Variants in GRM7 observed in about 807,000 individuals in gnomAD.
GRM7 encodes glutamate metabotropic receptor 7.
In GRM7, 35 loss-of-function variants were observed where a neutral mutation model predicts 84.5. That is an observed-to-expected ratio of 0.41 (90% CI 0.32 to 0.55). The LOEUF (loss-of-function observed/expected upper bound fraction) is 0.55. Among genes scored for constraint, GRM7 ranks in the 20% least tolerant of loss-of-function variants. The pLI is 0.19. For synonymous variants in GRM7, 487 were observed against 455.1 expected, an observed-to-expected ratio of 1.07 and a Z score of -0.89; for missense variants, 1,003 against 1,194.6, an observed-to-expected ratio of 0.84 and a Z score of 2.36.
At chr3:7,206,868 A>G (rs1696257110) in intron 2 of GRM7, among the ~76,000 whole-genome samples, 1 of 152,150 alleles carries the variant, frequency 6.6e-6, no homozygotes. Flanking sequence ...TGGCTTTACA[A>G]TAGACTCAGA....
intron 1 of GRM7, among the ~76,000 whole-genome samples, chr3:6,995,835 T>C (rs1178096045): frequency 6.6e-6 from 1 of 152,172 alleles, no homozygotes; most frequent in Non-Finnish European, 1.5e-5. Context: ...GGAAGAAGTT[T>C]CCTGACTTCT....
intron 9 of GRM7, among the ~76,000 whole-genome samples, chr3:7,727,610 A>G (rs1213642582): frequency 6.6e-6 from 1 of 152,178 alleles, no homozygotes; most frequent in African/African-American, 2.4e-5. Context: ...AGCTTCATAC[A>G]CACGAGAAGC....
intron 7 of GRM7, among the ~76,000 whole-genome samples, chr3:7,551,650 C>T (rs1403163555): frequency 6.6e-6 from 1 of 151,456 alleles, no homozygotes; most frequent in African/African-American, 2.4e-5. Context: ...GACAATGCTT[C>T]TGCCTAGTCC....
intron 1 of GRM7, among the ~76,000 whole-genome samples, chr3:7,127,909 T>G (rs1439265879): frequency 5.3e-5 from 8 of 152,050 alleles, no homozygotes; most frequent in Admixed American, 2.0e-4. Context: ...TTGCTTTTGG[T>G]AATAGATTAA....
intron 9 of GRM7, among the ~76,000 whole-genome samples, chr3:7,708,383 C>G (rs6763908): frequency 0.34 from 51,360 of 151,544 alleles, 9,132 homozygotes; most frequent in East Asian, 0.68. Context: ...GGTAGACTGG[C>G]CGGTTGCACA....
In GRM7 at chr3:7,566,100, G is replaced by A. The variant is rs1230715218; in HGVS notation, c.1516-12322G>A. ...TTCTGTTTTCTTTGGCTCTGAATCA[G>A]CTGTTTTTTTTTTTTTTTTTTTTTT... On this transcript the variant is annotated intron_variant, in intron 7 of 9. Coordinates refer to ENST00000357716, the MANE Select transcript of GRM7 (RefSeq NM_000844.4). Among the ~76,000 whole-genome samples the A allele has an allele frequency of 5.9e-5, 4 of 68,064 alleles. No homozygotes were observed. The East Asian group carries it at 2.0e-3, about 34-fold the overall frequency. 44.7% of individuals were successfully genotyped at this position (68,064 alleles called of 152,430 possible).
At chr3:7,000,153 T>C (rs1362298111) in intron 1 of GRM7, among the ~76,000 whole-genome samples, 2 of 145,838 alleles carry the variant, frequency 1.4e-5, no homozygotes, top group African/African-American at 2.5e-5. Flanking sequence ...ACAACAGTAA[T>C]GTCAGAGGTT....
At chr3:7,541,373 G>A (rs1361343669) in intron 7 of GRM7, among the ~76,000 whole-genome samples, 2 of 152,020 alleles carry the variant, frequency 1.3e-5, no homozygotes, top group South Asian at 2.1e-4. Flanking sequence ...TTTATACCAC[G>A]CTTTGTTAGA....
intron 9 of GRM7, chr3:7,691,224 C>T: frequency 1.6e-6 from 2 of 1,271,876 alleles, no homozygotes; most frequent in Non-Finnish European, 2.1e-6. Flanking sequence ...CTCTGAGGAC[C>T]TCAGCTTGCA....
intron 1 of GRM7, among the ~76,000 whole-genome samples, chr3:6,938,787 C>T (rs1387620161): frequency 3.3e-5 from 5 of 152,184 alleles, no homozygotes; most frequent in African/African-American, 4.8e-5. Flanking sequence ...ATGAAGGAGA[C>T]TGGTTGTAAT....
chr3:7,653,669 G>A (rs1406269980), intron 8 of GRM7, among the ~76,000 whole-genome samples: 1 of 152,196 alleles, frequency 6.6e-6, no homozygotes, highest in African/African-American at 2.4e-5. Flanking sequence ...GCAGCAGGAT[G>A]TAAAATGAGA....
chr3:7,519,565 G>A (rs2124988697), intron 7 of GRM7, among the ~76,000 whole-genome samples: 1 of 152,250 alleles, frequency 6.6e-6, no homozygotes, highest in African/African-American at 2.4e-5. Context: ...AGAGGTCATA[G>A]ATAATTCCAA....
chr3:7,676,344 C>A (rs1274833436), intron 8 of GRM7, among the ~76,000 whole-genome samples: 1 of 152,170 alleles, frequency 6.6e-6, no homozygotes, highest in African/African-American at 2.4e-5. Flanking sequence ...TCTGAGATCT[C>A]TGTGGACTGA....
chr3:7,305,208 A>T (rs1444246863), intron 3 of GRM7, among the ~76,000 whole-genome samples: 1 of 151,810 alleles, frequency 6.6e-6, no homozygotes, highest in African/African-American at 2.4e-5. Flanking sequence ...TCCCATCCCC[A>T]TCTGCAGTTT....
At chr3:6,891,559 C>T (rs1253716723) in intron 1 of GRM7, among the ~76,000 whole-genome samples, 3 of 152,146 alleles carry the variant, frequency 2.0e-5, no homozygotes. Context: ...TGAATATTGG[C>T]CCCCACTCTC....
chr3:7,526,889 A>G (rs978212568), intron 7 of GRM7, among the ~76,000 whole-genome samples: 4 of 151,490 alleles, frequency 2.6e-5, no homozygotes, highest in Admixed American at 2.6e-4. Flanking sequence ...GCTTATGTGC[A>G]TTTTTTTCTT....
At chr3:7,392,568 T>C (rs1695044071) in intron 4 of GRM7, among the ~76,000 whole-genome samples, 1 of 152,136 alleles carries the variant, frequency 6.6e-6, no homozygotes, top group East Asian at 1.9e-4. Flanking sequence ...GTGAGAAACA[T>C]GGGCAAGGCA....
At chr3:7,043,673 C>G (rs529903353) in intron 1 of GRM7, among the ~76,000 whole-genome samples, 171 of 152,280 alleles carry the variant, frequency 1.1e-3, no homozygotes, top group African/African-American at 3.7e-3. Context: ...CTCTCCTGAC[C>G]TCTCTGAATC....
chr3:7,462,206 T>C (rs1385342050), intron 7 of GRM7, among the ~76,000 whole-genome samples: 4 of 152,208 alleles, frequency 2.6e-5, no homozygotes, highest in African/African-American at 9.6e-5. Flanking sequence ...TTCTATAAAA[T>C]GTGACCTAAG....
Sources: gnomAD v4.1 joint callset for allele counts (sites outside exome capture counted in the v4.1 genomes callset) on GRCh38, gnomAD v4.1.1 for gene constraint, MANE v1.5 for transcripts, NCBI Gene and HGNC (gene_info 2026-07-23, HGNC 2026-07-21) for gene names.